LUZP2: variants seen among roughly 807,000 people sequenced by gnomAD.
The protein encoded by LUZP2 is leucine zipper protein 2.
In LUZP2, 52 loss-of-function variants were observed where a neutral mutation model predicts 51.6. That is an observed-to-expected ratio of 1.01 (90% CI 0.81 to 1.27). The LOEUF is 1.27. Among genes scored for constraint, LUZP2 ranks in the 50% most tolerant of loss-of-function variants. The probability of loss-of-function intolerance (pLI) is 0.00; values close to 1 mark genes in which losing one functional copy is unlikely to be tolerated. For synonymous variants in LUZP2, 154 were observed against 137.3 expected (o/e 1.12, Z -0.85); for missense variants, 436 against 395.4 (o/e 1.10, Z -0.87).
chr11:24,910,857 G>A (rs548159282), intron 6 of LUZP2, among the ~76,000 whole-genome samples: 86 of 152,210 alleles, frequency 5.7e-4, no homozygotes, highest in Admixed American at 4.8e-3. Flanking sequence ...TAGATCCACC[G>A]ACAACTTGCA....
chr11:25,039,721 TC>T (rs1857980947), intron 9 of LUZP2, among the ~76,000 whole-genome samples: 1 of 152,192 alleles, frequency 6.6e-6, no homozygotes, highest in Non-Finnish European at 1.5e-5. Context: ...CCCAGTCCCT[TC>T]ACTCGTATCT....
chr11:24,800,567 A>T (rs991293294), intron 5 of LUZP2, among the ~76,000 whole-genome samples: 2 of 151,978 alleles, frequency 1.3e-5, no homozygotes, highest in Non-Finnish European at 2.9e-5. Flanking sequence ...AAAAAAACAA[A>T]AAAACCCAAA....
chr11:25,058,941 A>T (rs1372874300), intron 10 of LUZP2, among the ~76,000 whole-genome samples: 1 of 152,230 alleles, frequency 6.6e-6, no homozygotes, highest in Non-Finnish European at 1.5e-5. Context: ...AGAAAAATTC[A>T]GTCAAAAACT....
At chr11:24,949,322 ATCTATCTATCTC>A (rs200319197) in intron 7 of LUZP2, among the ~76,000 whole-genome samples, 18,921 of 69,986 alleles carry the variant, frequency 0.27, 1,358 homozygotes, top group African/African-American at 0.35. Context: ...CTATCTATCT[ATCTATCTATCTC>A]TCTATCTATC....
chr11:25,064,907 G>A (rs1565301416), intron 10 of LUZP2, among the ~76,000 whole-genome samples: 1 of 151,950 alleles, frequency 6.6e-6, no homozygotes, highest in Non-Finnish European at 1.5e-5. Flanking sequence ...TCATCTGAAA[G>A]ATAAAAATCT....
intron 1 of LUZP2, among the ~76,000 whole-genome samples, chr11:24,514,558 A>G (rs938777002): frequency 1.3e-5 from 2 of 152,156 alleles, no homozygotes; most frequent in African/African-American, 2.4e-5. Flanking sequence ...ATGATTATAA[A>G]TTTCACTTTG....
chr11:24,939,302 G>C (rs891283911), intron 7 of LUZP2, among the ~76,000 whole-genome samples: 2 of 151,956 alleles, frequency 1.3e-5, no homozygotes, highest in African/African-American at 2.4e-5. Flanking sequence ...AAACAAACTT[G>C]AATGACAAAT....
At chr11:24,574,549 C>T (rs896943512) in intron 1 of LUZP2, among the ~76,000 whole-genome samples, 8 of 152,016 alleles carry the variant, frequency 5.3e-5, no homozygotes, top group Non-Finnish European at 1.2e-4. Context: ...TCAAGTTTAA[C>T]ATGCAAGGGA....
At chr11:24,646,362 G>T (rs1855462215) in intron 1 of LUZP2, among the ~76,000 whole-genome samples, 1 of 152,030 alleles carries the variant, frequency 6.6e-6, no homozygotes, top group Admixed American at 6.6e-5. Flanking sequence ...AGAAATTCCA[G>T]ACAACAACGT....
At chr11:24,535,757 G>C (rs1181554886) in intron 1 of LUZP2, among the ~76,000 whole-genome samples, 3 of 151,572 alleles carry the variant, frequency 2.0e-5, no homozygotes, top group Non-Finnish European at 4.4e-5. Context: ...GTAGTTTACA[G>C]GATTCCTCAT....
intron 5 of LUZP2, among the ~76,000 whole-genome samples, chr11:24,876,416 G>A (rs1232194674): frequency 1.3e-5 from 2 of 149,000 alleles, no homozygotes; most frequent in Non-Finnish European, 1.5e-5. Flanking sequence ...GTAGATATGC[G>A]GCGTTATTTC....
At chr11:24,711,063 TA>T (rs935697809) in intron 1 of LUZP2, among the ~76,000 whole-genome samples, 2 of 152,058 alleles carry the variant, frequency 1.3e-5, no homozygotes, top group African/African-American at 4.8e-5. Context: ...TGCTAGCATC[TA>T]AAGGGGGAAC....
chr11:24,765,970 A>C (rs1860176328), intron 5 of LUZP2, among the ~76,000 whole-genome samples: 1 of 152,100 alleles, frequency 6.6e-6, no homozygotes, highest in Admixed American at 6.5e-5. Context: ...TATGTTGCCC[A>C]GGTGGGTCTT....
At chr11:25,030,939 T>A (rs998366303) in intron 9 of LUZP2, among the ~76,000 whole-genome samples, 15 of 20,886 alleles carry the variant, frequency 7.2e-4, no homozygotes, top group Admixed American at 1.7e-3. Flanking sequence ...TAATATATAT[T>A]ATATATATTA....
chr11:24,992,169 A>G (rs1417638321), intron 9 of LUZP2, among the ~76,000 whole-genome samples: 1 of 152,068 alleles, frequency 6.6e-6, no homozygotes, highest in African/African-American at 2.4e-5. Flanking sequence ...AGCTCCTCAT[A>G]AATACATACA....
chr11:25,022,481 C>A (rs567852046), intron 9 of LUZP2, among the ~76,000 whole-genome samples: 1 of 152,116 alleles, frequency 6.6e-6, no homozygotes, highest in South Asian at 2.1e-4. Flanking sequence ...ATAGGGAATG[C>A]AATTTATATC....
At chr11:24,916,734 C>T (rs1025661811) in intron 7 of LUZP2, among the ~76,000 whole-genome samples, 4 of 152,134 alleles carry the variant, frequency 2.6e-5, no homozygotes, top group Non-Finnish European at 4.4e-5. Flanking sequence ...CAGTCTATCA[C>T]TGATGGACAT....
intron 5 of LUZP2, among the ~76,000 whole-genome samples, chr11:24,777,393 C>G (rs1358032185): frequency 6.6e-6 from 1 of 151,902 alleles, no homozygotes; most frequent in Admixed American, 6.6e-5. Flanking sequence ...CGGGGGGATC[C>G]ATTTAAACAA....
intron 5 of LUZP2, among the ~76,000 whole-genome samples, chr11:24,865,722 ATATATG>A (rs778516191): frequency 1.6e-3 from 81 of 51,362 alleles, no homozygotes; most frequent in Middle Eastern, 0.021. Flanking sequence ...ATATATATAT[ATATATG>A]TGTGTGTGTG....
Sources: gnomAD v4.1 joint callset for allele counts (sites outside exome capture counted in the v4.1 genomes callset) on GRCh38, gnomAD v4.1.1 for gene constraint, MANE v1.5 for transcripts, NCBI Gene and HGNC (gene_info 2026-07-23, HGNC 2026-07-21) for gene names.